CSMD3: variants seen among roughly 807,000 people sequenced by gnomAD.
CSMD3 encodes CUB and sushi domain-containing protein 3.
CSMD3 carries 177 observed loss-of-function variants against 435.2 expected under a neutral mutation model. The ratio of observed to expected loss-of-function variants is 0.41; its 90% CI spans 0.36 to 0.46. The LOEUF (loss-of-function observed/expected upper bound fraction) is 0.46. Ranked by LOEUF, CSMD3 falls within the 20% of genes least tolerant of loss-of-function variation. CSMD3 has a pLI of 0.34. For missense variants in CSMD3, 4,265 were observed against 4,504.6 expected (o/e 0.95, Z 1.52); for synonymous variants, 1,656 against 1,520.5 (o/e 1.09, Z -2.07).
intron 27 of CSMD3, among the ~76,000 whole-genome samples, chr8:112,531,007 CA>C (rs1479161658): frequency 1.3e-5 from 2 of 152,106 alleles, no homozygotes; most frequent in Non-Finnish European, 2.9e-5. Context: ...TGATGCAACC[CA>C]GTGTGACATC....
chr8:112,339,737 A>C (rs1478130520), intron 42 of CSMD3, among the ~76,000 whole-genome samples: 3 of 152,320 alleles, frequency 2.0e-5, no homozygotes, highest in East Asian at 1.9e-4. Context: ...CAAATTCAGA[A>C]GGTTCTTAAA....
intron 1 of CSMD3, among the ~76,000 whole-genome samples, chr8:113,394,248 A>G (rs1286600885): frequency 1.3e-5 from 2 of 152,072 alleles, no homozygotes; most frequent in Non-Finnish European, 2.9e-5. Flanking sequence ...AAACAGGATT[A>G]CTGTTTCCAG....
At chr8:112,489,851 TATC>T (rs1820514374) in intron 31 of CSMD3, among the ~76,000 whole-genome samples, 1 of 152,192 alleles carries the variant, frequency 6.6e-6, no homozygotes, top group African/African-American at 2.4e-5. Context: ...ATTTCCATAA[TATC>T]ATGTCCATTT....
intron 32 of CSMD3, among the ~76,000 whole-genome samples, chr8:112,451,737 C>T (rs574698376): frequency 3.3e-4 from 50 of 152,214 alleles, no homozygotes; most frequent in South Asian, 6.2e-4. Context: ...GGGTTTTCTC[C>T]ACATTGGTCA....
intron 22 of CSMD3, among the ~76,000 whole-genome samples, chr8:112,629,883 CT>C (rs776312154): frequency 9.9e-5 from 15 of 152,172 alleles, no homozygotes; most frequent in Non-Finnish European, 1.6e-4. Context: ...ATTATGTTAC[CT>C]TCTATAAAAC....
intron 24 of CSMD3, among the ~76,000 whole-genome samples, chr8:112,572,127 A>ACTCAATATCATTACAATATTGATATTG (rs1829580282): frequency 6.6e-6 from 1 of 151,988 alleles, no homozygotes; most frequent in Non-Finnish European, 1.5e-5. Flanking sequence ...CAATATCATT[A>ACTCAATATCATTACAATATTGATATTG]CTCAATATCA....
intron 68 of CSMD3, 149 bp from the exon 69 acceptor site, chr8:112,231,781 T>A (rs1418975438): frequency 1.4e-5 from 9 of 638,936 alleles, no homozygotes. Context: ...TATAGCACAT[T>A]GTGAAAATTT....
At chr8:112,269,042 T>C (rs1004192510) in intron 59 of CSMD3, among the ~76,000 whole-genome samples, 4 of 152,176 alleles carry the variant, frequency 2.6e-5, no homozygotes, top group African/African-American at 9.6e-5. Flanking sequence ...CCCTGCACTG[T>C]GACAATCAAA....
At chr8:112,429,278 G>A (rs938873508) in intron 32 of CSMD3, among the ~76,000 whole-genome samples, 2 of 151,856 alleles carry the variant, frequency 1.3e-5, no homozygotes, top group Non-Finnish European at 2.9e-5. Flanking sequence ...TCCCACATAT[G>A]ACAGATCATA....
intron 45 of CSMD3, among the ~76,000 whole-genome samples, chr8:112,322,902 A>G (rs1563788996): frequency 6.6e-6 from 1 of 152,010 alleles, no homozygotes; most frequent in Non-Finnish European, 1.5e-5. Context: ...TTGTCACTAT[A>G]CTTATAATTC....
At chr8:112,653,084 G>C (rs577350370) in intron 18 of CSMD3, among the ~76,000 whole-genome samples, 4 of 152,208 alleles carry the variant, frequency 2.6e-5, no homozygotes, top group African/African-American at 7.2e-5. Context: ...CCAAAGTGCT[G>C]GGATTACAGG....
At position 113,317,714 on chromosome 8, in the gene CSMD3, T is replaced by C. The variant is rs570616573; in HGVS notation, c.179-2921A>G. 9.9e-5 allele frequency among the ~76,000 whole-genome samples: 15 copies of C among 152,284 alleles called. No individual in the cohort carries two copies. The South Asian group carries it at 3.1e-3, about 32-fold the overall frequency. ...CAAAATATCCTCCCTCATTCATTTA[T>C]GCTTCACAGGGTTGGTCATTTTTAA... is the stretch of plus-strand genomic sequence containing the variant. On this transcript the variant is annotated intron_variant, in intron 1 of 70. Transcript: ENST00000297405.
intron 13 of CSMD3, among the ~76,000 whole-genome samples, chr8:112,713,479 T>C (rs1442584205): frequency 1.3e-5 from 2 of 150,106 alleles, no homozygotes; most frequent in Non-Finnish European, 3.0e-5. Flanking sequence ...ATGGGGAGAA[T>C]GGAACCAAGT....
At chr8:112,537,535 C>CA (rs1826240118) in intron 27 of CSMD3, among the ~76,000 whole-genome samples, 1 of 151,624 alleles carries the variant, frequency 6.6e-6, no homozygotes, top group African/African-American at 2.4e-5. Flanking sequence ...AAATCACAGC[C>CA]AAAAAATGAG....
At chr8:112,870,599 A>G (rs2081107833) in intron 10 of CSMD3, among the ~76,000 whole-genome samples, 1 of 152,130 alleles carries the variant, frequency 6.6e-6, no homozygotes, top group African/African-American at 2.4e-5. Flanking sequence ...TTTAAAAAGT[A>G]AAAATAATGA....
intron 3 of CSMD3, among the ~76,000 whole-genome samples, chr8:113,254,673 G>A (rs1280896458): frequency 6.6e-6 from 1 of 152,164 alleles, no homozygotes; most frequent in Non-Finnish European, 1.5e-5. Flanking sequence ...ATCTGTCAAA[G>A]AAGGAGAGAC....
In CSMD3 at chr8:112,571,082, A is replaced by C. The variant is rs563538669; in HGVS notation, c.4042+2419T>G. ...GAGTGCAATGGCGCAATCTTGGCTC[A>C]CTGCAACCTCTCCCTCCCAGGTTCA... is the stretch of plus-strand genomic sequence containing the variant. On this transcript the variant is annotated intron_variant, in intron 24 of 70. Coordinates refer to ENST00000297405, the MANE Select transcript of CSMD3 (RefSeq NM_198123.2). Among the ~76,000 whole-genome samples the C allele has an allele frequency of 2.0e-5, 3 of 152,244 alleles. No individual in the cohort carries two copies. The South Asian group carries it at 6.2e-4, about 32-fold the overall frequency.
chr8:112,698,976 T>A (rs1459676134), intron 13 of CSMD3, among the ~76,000 whole-genome samples: 2 of 152,022 alleles, frequency 1.3e-5, no homozygotes, highest in East Asian at 3.9e-4. Flanking sequence ...AATGCACCAA[T>A]CAGCACTCTG....
intron 3 of CSMD3, among the ~76,000 whole-genome samples, chr8:113,250,943 G>T (rs1361987620): frequency 6.6e-6 from 1 of 151,898 alleles, no homozygotes; most frequent in Admixed American, 6.6e-5. Flanking sequence ...AATTACAGAA[G>T]TTTAAGTGGA....
Sources: allele counts gnomAD v4.1 joint callset (sites outside exome capture counted in the v4.1 genomes callset), GRCh38; gene constraint gnomAD v4.1.1; transcripts MANE v1.5; gene names NCBI Gene and HGNC (gene_info 2026-07-23, HGNC 2026-07-21).